GLYR1: variants seen among roughly 807,000 people sequenced by gnomAD.
The protein encoded by GLYR1 is glyoxylate reductase 1 homolog.
A neutral mutation model predicts 72.7 loss-of-function variants in GLYR1; 21 were observed. The observed-to-expected ratio is 0.29, with a 90% CI of 0.20 to 0.42. GLYR1 has a LOEUF of 0.42. Among genes scored for constraint, GLYR1 ranks in the 10% least tolerant of loss-of-function variants. The pLI is 1.00. For synonymous variants in GLYR1, 392 were observed against 270.2 expected (o/e 1.45, Z -4.42); for missense variants, 594 against 712.1 (o/e 0.83, Z 1.89).
intron 12 of GLYR1, 151 bp downstream of exon 12, chr16:4,813,586 G>A (rs1051740784): frequency 1.5e-6 from 1 of 672,236 alleles, no homozygotes; most frequent in Admixed American, 2.3e-5. Context: ...TGAAGGTGGA[G>A]CACGGGATAG....
At position 4,823,842 on chromosome 16, in the gene GLYR1, T is replaced by C. The variant is rs1306419504; in HGVS notation, c.603A>G (p.Lys201=). Residue 201 remains lysine, a synonymous_variant, in exon 6 of 16, where the codon AAA becomes AAG. Coordinates refer to ENST00000321919, the MANE Select transcript of GLYR1 (RefSeq NM_032569.4). ...GMMAGPMAAF[K]WQPTASEPVK... Reference sequence around the variant, plus strand: ...TTACCTCGCTTGCGGTTGGCTGCCATTTAAACGCGGCCATCGGTCCGGCCA... The same window carrying C: ...TTACCTCGCTTGCGGTTGGCTGCCACTTAAACGCGGCCATCGGTCCGGCCA... 6.2e-7 allele frequency: 1 copy of C among 1,613,692 alleles called. No individual in the cohort carries two copies. Among genetic ancestry groups the C allele is most frequent in the Non-Finnish European group, 8.5e-7 (1 of 1,179,990 alleles).
At chr16:4,844,956 A>C (rs2085883952) in intron 3 of GLYR1, 118 bp downstream of exon 3, 1 of 694,108 alleles carries the variant, frequency 1.4e-6, no homozygotes. Flanking sequence ...ATGAGATGCC[A>C]GTATTACACA....
At chr16:4,814,076 A>AC (rs1300708064) in intron 11 of GLYR1, 33 of 393,670 alleles carry the variant, frequency 8.4e-5, no homozygotes, top group Non-Finnish European at 1.3e-4. Flanking sequence ...AAAAAAAAAA[A>AC]AAACAAACCC....
chr16:4,831,459 T>C (rs933860700), intron 5 of GLYR1, among the ~76,000 whole-genome samples: 1 of 152,162 alleles, frequency 6.6e-6, no homozygotes. Context: ...CTTTCCTCAC[T>C]ATCCTCTCCC....
At chr16:4,808,123 C>G (rs1158336994) in intron 15 of GLYR1, among the ~76,000 whole-genome samples, 1 of 151,338 alleles carries the variant, frequency 6.6e-6, no homozygotes, top group Non-Finnish European at 1.5e-5. Flanking sequence ...GCGGTTCCAG[C>G]TACTTGGGAG....
chr16:4,812,295 CT>C, intron 12 of GLYR1, 47 bp from the exon 13 acceptor site: 4 of 1,578,776 alleles, frequency 2.5e-6, no homozygotes, highest in Non-Finnish European at 3.4e-6. Context: ...TCTCCCAGCG[CT>C]CTCTGGGCAG....
chr16:4,808,359 G>T lies in GLYR1; in HGVS notation c.1587+2811C>A, dbSNP rs556225433. Among the ~76,000 whole-genome samples the T allele has an allele frequency of 5.9e-5, 9 of 152,290 alleles. No individual in the cohort carries two copies. The South Asian group carries it at 1.2e-3, about 21-fold the overall frequency. On this transcript the variant is annotated intron_variant, in intron 15 of 15. Transcript: ENST00000321919. ...CGCCTGTAATCCCAGCACTTAGGTA[G>T]GCTGAGGTGGGTGGATCACCTGAGG...
intron 5 of GLYR1, among the ~76,000 whole-genome samples, chr16:4,829,061 T>C (rs1596365186): frequency 6.6e-6 from 1 of 152,028 alleles, no homozygotes; most frequent in Admixed American, 6.6e-5. Flanking sequence ...ATGTTCCCTA[T>C]AAAGTTCTCT....
chr16:4,842,131 C>G (rs1366931600), intron 3 of GLYR1, among the ~76,000 whole-genome samples: 2 of 152,006 alleles, frequency 1.3e-5, no homozygotes, highest in Non-Finnish European at 2.9e-5. Context: ...GTAGTCCCAG[C>G]TACTCGGGAG....
At chr16:4,844,134 AT>A (rs59249045) in intron 3 of GLYR1, among the ~76,000 whole-genome samples, 1,900 of 147,778 alleles carry the variant, frequency 0.013, 41 homozygotes, top group African/African-American at 0.046. Context: ...AAAAAAAAAA[AT>A]CAAACCATCT....
At chr16:4,846,962 G>A (rs113281068) in intron 1 of GLYR1, 51,717 of 498,492 alleles carry the variant, frequency 0.1, 3,238 homozygotes, top group Admixed American at 0.18. Flanking sequence ...CACGGGGGCC[G>A]CCAGTATCTG....
chr16:4,828,613 TCTGGGGTTCTCA>T (rs1259605327), intron 5 of GLYR1, among the ~76,000 whole-genome samples: 3 of 152,068 alleles, frequency 2.0e-5, no homozygotes, highest in Non-Finnish European at 4.4e-5. Flanking sequence ...GGCAGTGGCC[TCTGGGGTTCTCA>T]CTGTACAAAC....
At chr16:4,824,585 G>A (rs2084260797) in intron 5 of GLYR1, among the ~76,000 whole-genome samples, 1 of 151,788 alleles carries the variant, frequency 6.6e-6, no homozygotes, top group African/African-American at 2.4e-5. Context: ...AAAACCACAT[G>A]GGGCTGATGA....
intron 6 of GLYR1, 130 bp downstream of exon 6, chr16:4,823,691 C>T (rs1420020717): frequency 1.3e-6 from 1 of 773,704 alleles, no homozygotes; most frequent in South Asian, 1.7e-5. Context: ...ATTTCATAGA[C>T]TTCTGTACTG....
chr16:4,817,732 A>G, intron 9 of GLYR1, 35 bp from the exon 10 acceptor site: 2 of 1,279,522 alleles, frequency 1.6e-6, no homozygotes, highest in Non-Finnish European at 2.3e-6. Context: ...TTCAGGGTGG[A>G]AAGGGAGGGT....
Position 4,821,587 on chromosome 16 carries a change from C to A in GLYR1, c.692G>T (p.Cys231Phe), listed in dbSNP as rs751512472. 1 of 1,614,022 alleles carries A rather than the reference C, an allele frequency of 6.2e-7. No homozygotes were observed. The highest frequency in any genetic ancestry group is 1.1e-5 in the South Asian group (1 of 91,076). Residue 231 changes from cysteine (C) to phenylalanine (F), a missense_variant, in exon 8 of 16, where the codon TGT (cysteine) becomes TTT (phenylalanine). By Grantham distance (205) the Cys-to-Phe change is radical (BLOSUM62 -2). This residue lies in a region of GLYR1 where 252 missense variants were observed against 211.3 expected (regional missense o/e 1.19). Transcript: ENST00000321919. Reference protein sequence around the residue: ...LLSQTEKPAVCYQAITKKLKI... With the variant: ...LLSQTEKPAVFYQAITKKLKI... ...CAACTTCTTCGTGATTGCCTGGTAA[C>A]AGACAGCTGGCTAATGAAGGAGGAG...
chr16:4,811,980 C>G, intron 13 of GLYR1, 106 bp downstream of exon 13: 1 of 1,483,112 alleles, frequency 6.7e-7, no homozygotes, highest in Non-Finnish European at 9.0e-7. Flanking sequence ...GGAAACCTTC[C>G]CCAGGGTCCC....
At chr16:4,823,678 T>G in intron 6 of GLYR1, 143 bp downstream of exon 6, 3 of 737,756 alleles carry the variant, frequency 4.1e-6, no homozygotes, top group Non-Finnish European at 6.8e-6. Flanking sequence ...TTTTTAATTT[T>G]TTATTTCATA....
intron 3 of GLYR1, chr16:4,840,179 C>G (rs1275750637): frequency 1.3e-5 from 2 of 152,562 alleles, no homozygotes; most frequent in African/African-American, 4.8e-5. Flanking sequence ...CACCCTGGTC[C>G]TAACACAGTC....
Sources: gnomAD v4.1 joint callset for allele counts (sites outside exome capture counted in the v4.1 genomes callset) on GRCh38, gnomAD v4.1.1 for gene constraint, gnomAD v4.1.1 regional missense constraint, MANE v1.5 for transcripts, NCBI Gene and HGNC (gene_info 2026-07-23, HGNC 2026-07-21) for gene names.